The following DOCK9 variants were observed in gnomAD, a reference collection of about 807,000 sequenced individuals.
The protein encoded by DOCK9 is dedicator of cytokinesis protein 9.
In DOCK9, 89 loss-of-function variants were observed where a neutral mutation model predicts 263.3. The observed-to-expected ratio is 0.34, with a 90% CI of 0.28 to 0.40. DOCK9 has a LOEUF of 0.40. DOCK9 is among the 10% of genes least tolerant of loss of function. The probability of loss-of-function intolerance (pLI) is 1.00; values close to 1 mark genes in which losing one functional copy is unlikely to be tolerated. For missense variants in DOCK9, 2,140 were observed against 2,603.4 expected, an observed-to-expected ratio of 0.82 and a Z score of 3.87; for synonymous variants, 976 against 973.1, an observed-to-expected ratio of 1.00 and a Z score of -0.06.
At chr13:99,058,475 A>T (rs532357619) in intron 1 of DOCK9, among the ~76,000 whole-genome samples, 1 of 152,088 alleles carries the variant, frequency 6.6e-6, no homozygotes, top group African/African-American at 2.4e-5. Context: ...AGTACTTGAT[A>T]TCTTGATACA....
At chr13:98,809,181 T>C in intron 47 of DOCK9, 171 bp downstream of exon 47, 2 of 1,415,486 alleles carry the variant, frequency 1.4e-6, no homozygotes, top group Non-Finnish European at 9.7e-7. Context: ...GCAGAAAGTT[T>C]ACTACTGAGG....
At chr13:98,846,398 T>G (rs561750492) in intron 37 of DOCK9, 342 of 769,612 alleles carry the variant, frequency 4.4e-4, no homozygotes, top group Non-Finnish European at 5.5e-4. Flanking sequence ...TCTTTTTGGA[T>G]TATATATGTT....
At position 98,794,708 on chromosome 13, in the gene DOCK9, G is replaced by A; in HGVS notation, c.6197C>T (p.Ser2066Phe). 6.2e-7 allele frequency: 1 copy of A among 1,613,942 alleles called. No homozygotes were observed. Among genetic ancestry groups the A allele is most frequent in the Admixed American group, 1.7e-5 (1 of 60,030 alleles). The change falls in exon 53 of 53, where the codon TCC becomes TTC. Residue 2066 changes from serine (S) to phenylalanine (F), a missense_variant. By Grantham distance (155) the Ser-to-Phe change is radical (BLOSUM62 -2). Transcript: ENST00000682017. ...LEEKTSVLPN[S>F]LHIFNAISGT... ...ACTGATGGCGTTGAAGATGTGAAGGGAATTCGGTAAGACGCTCGTCTTCTC... is the reference window on the plus strand; with the variant it reads ...ACTGATGGCGTTGAAGATGTGAAGGAAATTCGGTAAGACGCTCGTCTTCTC...
At chr13:98,904,922 C>T (rs1177068720) in intron 9 of DOCK9, among the ~76,000 whole-genome samples, 1 of 152,174 alleles carries the variant, frequency 6.6e-6, no homozygotes, top group African/African-American at 2.4e-5. Context: ...CCTTCTGAAG[C>T]TCACAACCAG....
rs41279126 is a variant in DOCK9, at chr13:98,797,214, G to A, written c.6057C>T (p.Asn2019=). ...VEACGQALAV[N]ERLIKEDQLE... is the part of the protein sequence containing the mutation. ...GCTGGTCTTCTTTAATCAGACGTTC[G>A]TTTACCGCTAAGGCTTGACCGCAAG... is the stretch of plus-strand genomic sequence containing the variant. The change falls in exon 52 of 53, where the codon AAC becomes AAT. Residue 2019 remains asparagine (N), a synonymous_variant. Transcript: ENST00000682017. 71,368 of 1,613,796 alleles carry A rather than the reference G, an allele frequency of 0.044. 1,851 individuals are homozygous for A. Among genetic ancestry groups the A allele is most frequent in the Middle Eastern group, 0.084 (510 of 6,062 alleles).
intron 1 of DOCK9, among the ~76,000 whole-genome samples, chr13:99,053,493 T>G (rs2040794865): frequency 6.6e-6 from 1 of 152,224 alleles, no homozygotes; most frequent in African/African-American, 2.4e-5. Flanking sequence ...TAAATGTAAT[T>G]GAATTAAATT....
intron 1 of DOCK9, among the ~76,000 whole-genome samples, chr13:99,019,472 A>T (rs1302602394): frequency 1.3e-5 from 2 of 152,124 alleles, no homozygotes; most frequent in African/African-American, 4.8e-5. Context: ...ACATCTGGGC[A>T]GGCAGAGAGG....
chr13:98,875,626 G>C (rs188188489), intron 27 of DOCK9, among the ~76,000 whole-genome samples: 48 of 152,332 alleles, frequency 3.2e-4, no homozygotes, highest in Middle Eastern at 3.4e-3. Context: ...TGGTGGAAAA[G>C]AAACACCAAC....
chr13:99,030,738 A>T (rs1566326703), intron 1 of DOCK9, among the ~76,000 whole-genome samples: 1 of 152,208 alleles, frequency 6.6e-6, no homozygotes. Context: ...ATACAACCAA[A>T]TACATCATGT....
chr13:99,027,338 C>A (rs2142041782), intron 1 of DOCK9, among the ~76,000 whole-genome samples: 1 of 152,230 alleles, frequency 6.6e-6, no homozygotes, highest in South Asian at 2.1e-4. Flanking sequence ...TTCTAAACAA[C>A]CCTAAAAGTT....
At chr13:98,801,990 T>G (rs1489844816) in intron 49 of DOCK9, among the ~76,000 whole-genome samples, 1 of 152,228 alleles carries the variant, frequency 6.6e-6, no homozygotes, top group African/African-American at 2.4e-5. Flanking sequence ...GTGGTAGCAC[T>G]GGGGATCCAC....
intron 1 of DOCK9, among the ~76,000 whole-genome samples, chr13:99,013,237 A>T (rs111738987): frequency 1.1e-4 from 16 of 152,254 alleles, no homozygotes; most frequent in Non-Finnish European, 1.8e-4. Context: ...CTGAGTAGCT[A>T]GGACTACAGG....
intron 38 of DOCK9, among the ~76,000 whole-genome samples, chr13:98,842,621 C>T (rs1368915862): frequency 6.6e-6 from 1 of 152,206 alleles, no homozygotes; most frequent in East Asian, 1.9e-4. Context: ...ACTAAGTTTT[C>T]ACCTCATAAT....
At chr13:98,861,809 A>T (rs566717612) in intron 32 of DOCK9, among the ~76,000 whole-genome samples, 1 of 152,212 alleles carries the variant, frequency 6.6e-6, no homozygotes, top group Non-Finnish European at 1.5e-5. Context: ...TGCATGTTTA[A>T]AAAACAGCAC....
At chr13:98,941,563 T>C (rs942421503) in intron 2 of DOCK9, among the ~76,000 whole-genome samples, 1 of 152,228 alleles carries the variant, frequency 6.6e-6, no homozygotes, top group African/African-American at 2.4e-5. Context: ...TAAGTGCATT[T>C]TTGTAAAGAA....
chr13:98,937,970 G>A (rs1297401226), intron 2 of DOCK9, among the ~76,000 whole-genome samples: 4 of 152,242 alleles, frequency 2.6e-5, no homozygotes, highest in Non-Finnish European at 4.4e-5. Context: ...CCTAAAGGGA[G>A]CAAGTGGAGG....
chr13:98,994,912 T>G (rs901769534), intron 1 of DOCK9, among the ~76,000 whole-genome samples: 1 of 152,224 alleles, frequency 6.6e-6, no homozygotes, highest in Non-Finnish European at 1.5e-5. Context: ...TATTAAACAC[T>G]TAAGTTTTAC....
rs567677929 is a variant in DOCK9 at position 98,913,715 on chromosome 13, G to GT, written c.960+612dup. On this transcript the variant is annotated intron_variant, in intron 9 of 52. Transcript: ENST00000682017. ...AAAAAGAACTTCAACTATAACCGAT[G>GT]TTTTATATCTTTTAAGAATATGGAA... Among the ~76,000 whole-genome samples, 67 of 152,206 alleles carry GT rather than the reference G, an allele frequency of 4.4e-4. 1 individual carries two copies. Among genetic ancestry groups the GT allele is most frequent in the African/African-American group, 1.6e-3 (67 of 41,536 alleles).
rs74785589 is a variant in DOCK9, at chr13:98,830,833, A to T, written c.4635+515T>A. Among the ~76,000 whole-genome samples, 1,441 of 152,266 alleles carry T rather than the reference A, an allele frequency of 9.5e-3. 27 individuals are homozygous for T. The highest frequency in any genetic ancestry group is 0.058 in the Admixed American group (881 of 15,288). On this transcript the variant is annotated intron_variant, in intron 41 of 52. Transcript: ENST00000682017. ...ATGTGGACAATAAATATTGTTTTTTAAAAAAAGGGTTAAATACAGAGATGG... is the reference window on the plus strand; with the variant it reads ...ATGTGGACAATAAATATTGTTTTTTTAAAAAAGGGTTAAATACAGAGATGG...
Sources: gnomAD v4.1 joint callset for allele counts (sites outside exome capture counted in the v4.1 genomes callset) on GRCh38, gnomAD v4.1.1 for gene constraint, MANE v1.5 for transcripts, NCBI Gene and HGNC (gene_info 2026-07-23, HGNC 2026-07-21) for gene names.